OR52A1: variants seen among roughly 807,000 people sequenced by gnomAD.
OR52A1 encodes the protein olfactory receptor 52A1.
In OR52A1, 14 loss-of-function variants were observed where a neutral mutation model predicts 14.3. The observed-to-expected ratio is 0.98, with a 90% CI of 0.65 to 1.54. The LOEUF (loss-of-function observed/expected upper bound fraction) is 1.54. OR52A1 is among the 40% of genes most tolerant of loss of function. The probability of loss-of-function intolerance (pLI) is 0.00; values close to 1 mark genes in which losing one functional copy is unlikely to be tolerated. For missense variants in OR52A1, 405 were observed against 381.3 expected (o/e 1.06, Z -0.52); for synonymous variants, 151 against 135.3 (o/e 1.12, Z -0.80).
At chr11:5,153,040 G>A (rs945808597) in intron 1 of OR52A1, among the ~76,000 whole-genome samples, 13 of 152,142 alleles carry the variant, frequency 8.5e-5, no homozygotes, top group Non-Finnish European at 2.9e-5. Flanking sequence ...TTTCTTTAAA[G>A]TTAAAGGGAA....
rs1488123087 is a variant in OR52A1 at position 5,148,187 on chromosome 11, T to C, written c.*3244A>G. On this transcript the variant is annotated 3_prime_UTR_variant, in exon 2 of 2. Transcript: ENST00000380367. ...ATTTTTCCCAAATTGAACATTTAAATGAAGGGCTGCAAAAAGCTAGAAGGT... is the reference window on the plus strand; with the variant it reads ...ATTTTTCCCAAATTGAACATTTAAACGAAGGGCTGCAAAAAGCTAGAAGGT... 1 of 151,248 alleles carries C rather than the reference T, an allele frequency of 6.6e-6. No homozygotes were observed. The highest frequency in any genetic ancestry group is 1.5e-5 in the Non-Finnish European group (1 of 67,942). The allele number at this position is 151,248 out of a possible 1,614,324, so 9.4% of individuals were successfully genotyped here. A position where few individuals can be genotyped will look rare whatever the true frequency, so the allele number is the denominator to read the frequency against.
In OR52A1 at chr11:5,147,714, G is replaced by C. The variant is rs1241119572; in HGVS notation, c.*3717C>G. The C allele has an allele frequency of 6.6e-6, 1 of 151,938 alleles. No homozygotes were observed. The highest frequency in any genetic ancestry group is 1.5e-5 in the Non-Finnish European group (1 of 67,990). 9.4% of individuals were successfully genotyped at this position (151,938 alleles called of 1,614,324 possible). ...ATGCATAACCTATTGGTTTTGTACT[G>C]TGAAGAATCCTTATTAATACAAATT... On this transcript the variant is annotated 3_prime_UTR_variant, in exon 2 of 2. Transcript: ENST00000380367.
rs2133534061 is a variant in OR52A1, at chr11:5,149,473, C to A, written c.*1958G>T. 1 of 151,972 alleles carries A rather than the reference C, an allele frequency of 6.6e-6. No homozygotes were observed. The highest frequency in any genetic ancestry group is 1.9e-4 in the East Asian group (1 of 5,180). 9.4% of individuals were successfully genotyped at this position (151,972 alleles called of 1,614,324 possible). A position where few individuals can be genotyped will look rare whatever the true frequency, so the allele number is the denominator to read the frequency against. ...CAATTTGGTGATGGGGAAACTCTAACTTTCAGCTACACTTTGTTACTCTGT... is the reference window on the plus strand; with the variant it reads ...CAATTTGGTGATGGGGAAACTCTAAATTTCAGCTACACTTTGTTACTCTGT... On this transcript the variant is annotated 3_prime_UTR_variant, in exon 2 of 2. Transcript: ENST00000380367.
At chr11:5,153,772 A>G (rs1269411591) in intron 1 of OR52A1, among the ~76,000 whole-genome samples, 1 of 151,272 alleles carries the variant, frequency 6.6e-6, no homozygotes, top group Non-Finnish European at 1.5e-5. Context: ...CATGTCACCA[A>G]TATGCTGGAA....
At position 5,152,187 on chromosome 11, in the gene OR52A1, C is replaced by A. The variant is rs190398297; in HGVS notation, c.183G>T (p.Leu61Phe). ...IKSERSLHEP[L>F]YIFLGMLGAT... ...CTCCTAGCATGCCTAAGAAAATGTACAAGGGCTCATGGAGACTGCGCTCAG... is the reference window on the plus strand; with the variant it reads ...CTCCTAGCATGCCTAAGAAAATGTAAAAGGGCTCATGGAGACTGCGCTCAG... The change falls in exon 2 of 2, where the codon TTG (leucine) becomes TTT (phenylalanine). Residue 61 changes from leucine to phenylalanine, a missense_variant. Leu to Phe is a conservative substitution (Grantham distance 22). Transcript: ENST00000380367. 6.2e-7 allele frequency: 1 copy of A among 1,614,162 alleles called. No individual in the cohort carries two copies. Among genetic ancestry groups the A allele is most frequent in the African/African-American group, 1.3e-5 (1 of 75,048 alleles).
chr11:5,151,848 T>C lies in OR52A1; in HGVS notation c.522A>G (p.Thr174=). 3 of 1,614,176 alleles carry C rather than the reference T, an allele frequency of 1.9e-6. No homozygotes were observed. Among genetic ancestry groups the C allele is most frequent in the Non-Finnish European group, 2.5e-6 (3 of 1,180,028 alleles). Residue 174 remains threonine (T), a synonymous_variant, in exon 2 of 2, where the codon ACA becomes ACG. Coordinates refer to ENST00000380367, the MANE Select transcript of OR52A1 (RefSeq NM_012375.3). The part of the protein sequence containing the change: ...LIKCRFQFYH[T]TVISHSYCEH... ...CACAGTAGGAGTGGGAGATGACTGT[T>C]GTGTGATAAAATTGAAACCGGCACT...
rs534376487 is a variant in OR52A1, at chr11:5,148,215, A to G, written c.*3216T>C. The G allele has an allele frequency of 7.5e-6, 1 of 133,098 alleles. No individual in the cohort carries two copies. The highest frequency in any genetic ancestry group is 2.8e-5 in the African/African-American group (1 of 36,088). The allele number at this position is 133,098 out of a possible 1,614,324, so 8.2% of individuals were successfully genotyped here. A position where few individuals can be genotyped will look rare whatever the true frequency, so the allele number is the denominator to read the frequency against. On this transcript the variant is annotated 3_prime_UTR_variant, in exon 2 of 2. Coordinates refer to ENST00000380367, the MANE Select transcript of OR52A1 (RefSeq NM_012375.3). ...AGGGCTGCAAAAAGCTAGAAGGTTC[A>G]GTTCCTGAAATCTTTTTTTTTTTTT... is the stretch of plus-strand genomic sequence containing the variant.
rs1019039129 is a variant in OR52A1, at chr11:5,147,703, G to A, written c.*3728C>T. The A allele has an allele frequency of 2.9e-4, 44 of 151,832 alleles. No homozygotes were observed. Among genetic ancestry groups the A allele is most frequent in the African/African-American group, 1.1e-3 (44 of 41,304 alleles). 9.4% of individuals were successfully genotyped at this position (151,832 alleles called of 1,614,324 possible). On this transcript the variant is annotated 3_prime_UTR_variant, in exon 2 of 2. Transcript: ENST00000380367. ...TACATATATGTATGCATAACCTATT[G>A]GTTTTGTACTGTGAAGAATCCTTAT...
Position 5,152,361 on chromosome 11 carries a change from A to C in OR52A1, c.9T>G (p.Ile3Met). 6.3e-7 allele frequency: 1 copy of C among 1,596,916 alleles called. No individual in the cohort carries two copies. The highest frequency in any genetic ancestry group is 8.6e-7 in the Non-Finnish European group (1 of 1,167,542). Residue 3 changes from isoleucine to methionine, a missense_variant, in exon 2 of 2, where the codon ATT becomes ATG. Physicochemically the swap from Ile to Met is conservative, Grantham distance 10. Coordinates refer to ENST00000380367, the MANE Select transcript of OR52A1 (RefSeq NM_012375.3). ...AGGGCATGTAGACTGTGATGTTGGA[A>C]ATGGACATAGTGTCGTTGGGTCTCC... The part of the protein sequence containing the change: MS[I>M]SNITVYMPSV...
At position 5,152,376 on chromosome 11, in the gene OR52A1, G is replaced by T. The variant is rs765754269; in HGVS notation, c.-7C>A. The T allele has an allele frequency of 6.3e-7, 1 of 1,576,332 alleles. No homozygotes were observed. The highest frequency in any genetic ancestry group is 2.3e-5 in the East Asian group (1 of 44,292). On this transcript the variant is annotated 5_prime_UTR_variant, in exon 2 of 2. Coordinates refer to ENST00000380367, the MANE Select transcript of OR52A1 (RefSeq NM_012375.3). Reference sequence around the variant, plus strand: ...TGATGTTGGAAATGGACATAGTGTCGTTGGGTCTCCTGATGCAAACAAAAG... The same window carrying T: ...TGATGTTGGAAATGGACATAGTGTCTTTGGGTCTCCTGATGCAAACAAAAG...
intron 1 of OR52A1, among the ~76,000 whole-genome samples, chr11:5,153,819 C>CTT (rs58039145): frequency 0.04 from 4,722 of 118,852 alleles, 98 homozygotes; most frequent in Non-Finnish European, 0.049. Flanking sequence ...GAAAAAGCAG[C>CTT]TTTTTTTTTT....
rs556548362 is a variant in OR52A1 at position 5,150,850 on chromosome 11, A to G, written c.*581T>C. 6.6e-6 allele frequency: 1 copy of G among 152,194 alleles called. No individual in the cohort carries two copies. The highest frequency in any genetic ancestry group is 2.4e-5 in the African/African-American group (1 of 41,458). 9.4% of individuals were successfully genotyped at this position (152,194 alleles called of 1,614,324 possible). ...TAAATTTTGAGGTTAGCAAAAAAAAAAACAACAACATTGATGTGTCAAATG... is the reference window on the plus strand; with the variant it reads ...TAAATTTTGAGGTTAGCAAAAAAAAGAACAACAACATTGATGTGTCAAATG... On this transcript the variant is annotated 3_prime_UTR_variant, in exon 2 of 2. Coordinates refer to ENST00000380367, the MANE Select transcript of OR52A1 (RefSeq NM_012375.3).
chr11:5,154,011 A>G (rs1041932567), intron 1 of OR52A1, among the ~76,000 whole-genome samples: 4 of 152,132 alleles, frequency 2.6e-5, no homozygotes, highest in African/African-American at 4.8e-5. Context: ...ACATACATTT[A>G]CCGTAAACTA....
intron 1 of OR52A1, among the ~76,000 whole-genome samples, chr11:5,153,558 T>G (rs753341355): frequency 1.3e-4 from 20 of 152,180 alleles, no homozygotes; most frequent in Admixed American, 3.9e-4. Flanking sequence ...CTGAAAAACC[T>G]GGGCTCTTAT....
intron 1 of OR52A1, among the ~76,000 whole-genome samples, chr11:5,154,065 A>G (rs1846580679): frequency 6.6e-6 from 1 of 152,094 alleles, no homozygotes; most frequent in Non-Finnish European, 1.5e-5. Flanking sequence ...TTGATCCCCA[A>G]TGCTTAGTTT....
rs756239666 is a variant in OR52A1 at position 5,151,661 on chromosome 11, T to C, written c.709A>G (p.Arg237Gly). 1.2e-5 allele frequency: 20 copies of C among 1,614,110 alleles called. No homozygotes were observed. The East Asian group carries it at 4.0e-4, about 32-fold the overall frequency. Residue 237 changes from arginine to glycine, a missense_variant, in exon 2 of 2, where the codon AGG (arginine) becomes GGG (glycine). Transcript: ENST00000380367. ...TVFRLPQKEARFKAFNTCIAH... is the reference protein window; with the variant it reads ...TVFRLPQKEAGFKAFNTCIAH... ...ATGCAGGTATTGAATGCTTTAAACC[T>C]AGCCTCCTTCTGGGGCAAACGAAAA... is the stretch of plus-strand genomic sequence containing the variant.
chr11:5,151,886 G>C lies in OR52A1; in HGVS notation c.484C>G (p.Leu162Val). 6.2e-7 allele frequency: 1 copy of C among 1,614,128 alleles called. No individual in the cohort carries two copies. The highest frequency in any genetic ancestry group is 2.2e-5 in the East Asian group (1 of 44,886). The change falls in exon 2 of 2, where the codon CTA becomes GTA. Residue 162 changes from leucine (L) to valine (V), a missense_variant. Coordinates refer to ENST00000380367, the MANE Select transcript of OR52A1 (RefSeq NM_012375.3). ...LRAAILVAPC[L>V]VLIKCRFQFY... ...TGAAACCGGCACTTTATCAGTACTA[G>C]GCATGGGGCTACAAGAATAGCAGCC...
chr11:5,152,494 A>T lies in OR52A1; in HGVS notation c.-125T>A. The T allele has an allele frequency of 1.5e-6, 1 of 662,120 alleles. No homozygotes were observed. The highest frequency in any genetic ancestry group is 2.6e-6 in the Non-Finnish European group (1 of 384,748). 41.0% of individuals were successfully genotyped at this position (662,120 alleles called of 1,614,324 possible). A position where few individuals can be genotyped will look rare whatever the true frequency, so the allele number is the denominator to read the frequency against. Reference sequence around the variant, plus strand: ...TCTGTCTGATTTGGGTATAACTCTAAAATCATCCATCTTATTCACAGTTTT... The same window carrying T: ...TCTGTCTGATTTGGGTATAACTCTATAATCATCCATCTTATTCACAGTTTT... On this transcript the variant is annotated 5_prime_UTR_variant, in exon 2 of 2. Coordinates refer to ENST00000380367, the MANE Select transcript of OR52A1 (RefSeq NM_012375.3).
Position 5,154,441 on chromosome 11 carries a change from A to G in OR52A1, c.-322+6T>C, listed in dbSNP as rs1398880694. The G allele has an allele frequency of 2.6e-5, 4 of 152,056 alleles. No homozygotes were observed. Among genetic ancestry groups the G allele is most frequent in the African/African-American group, 9.7e-5 (4 of 41,394 alleles). The allele number at this position is 152,056 out of a possible 1,614,324, so 9.4% of individuals were successfully genotyped here. On this transcript the variant is annotated splice_donor_region_variant and intron_variant, in intron 1 of 1. Transcript: ENST00000380367. ...ATTTTTCATAACACTTTCATTCATC[A>G]CTCACCAATTTTTCTTCTCCAAGGA...
Sources: gnomAD v4.1 joint callset for allele counts (sites outside exome capture counted in the v4.1 genomes callset) on GRCh38, gnomAD v4.1.1 for gene constraint, MANE v1.5 for transcripts, NCBI Gene and HGNC (gene_info 2026-07-23, HGNC 2026-07-21) for gene names.